The following RABGAP1L variants were observed in gnomAD, a reference collection of about 807,000 sequenced individuals.
The protein encoded by RABGAP1L is RAB GTPase activating protein 1 like.
In RABGAP1L, 63 loss-of-function variants were observed where a neutral mutation model predicts 137.7. The observed-to-expected ratio is 0.46, with a 90% CI of 0.37 to 0.56. The LOEUF is 0.56. Among genes scored for constraint, RABGAP1L ranks in the 20% least tolerant of loss-of-function variants. RABGAP1L has a pLI of 0.00. For missense variants in RABGAP1L, 1,095 were observed against 1,244.0 expected (o/e 0.88, Z 1.80); for synonymous variants, 431 against 433.7 (o/e 0.99, Z 0.08).
At chr1:174,415,764 T>G (rs1293483128) in intron 13 of RABGAP1L, among the ~76,000 whole-genome samples, 1 of 151,956 alleles carries the variant, frequency 6.6e-6, no homozygotes, top group Non-Finnish European at 1.5e-5. Context: ...TTCATAGAGA[T>G]TCTTTAATCG....
chr1:174,635,855 T>C (rs1673972722), intron 13 of RABGAP1L, among the ~76,000 whole-genome samples: 2 of 152,168 alleles, frequency 1.3e-5, no homozygotes, highest in Admixed American at 1.3e-4. Flanking sequence ...TTAGAGCTAA[T>C]CAACCACCCC....
chr1:174,924,385 C>CAA (rs10688718), intron 19 of RABGAP1L, among the ~76,000 whole-genome samples: 1,876 of 69,870 alleles, frequency 0.027, 212 homozygotes, highest in African/African-American at 0.084. Context: ...GACTCTGTCT[C>CAA]AAAAAAAAAA....
intron 12 of RABGAP1L, among the ~76,000 whole-genome samples, chr1:174,373,972 T>A (rs1477448327): frequency 6.6e-6 from 1 of 152,188 alleles, no homozygotes; most frequent in Admixed American, 6.5e-5. Context: ...TGAATTAGGC[T>A]TTCCTGATAC....
chr1:174,581,967 T>A (rs192988647), intron 13 of RABGAP1L, among the ~76,000 whole-genome samples: 1 of 152,202 alleles, frequency 6.6e-6, no homozygotes, highest in African/African-American at 2.4e-5. Flanking sequence ...GGTAGGAATA[T>A]GGAAAGGAAA....
At chr1:174,443,104 C>T (rs1370229582) in intron 13 of RABGAP1L, among the ~76,000 whole-genome samples, 1 of 151,682 alleles carries the variant, frequency 6.6e-6, no homozygotes, top group Non-Finnish European at 1.5e-5. Flanking sequence ...TGCTTTTTTT[C>T]CCCACCTGTT....
At chr1:174,951,187 A>G (rs913024651) in intron 19 of RABGAP1L, among the ~76,000 whole-genome samples, 2 of 152,226 alleles carry the variant, frequency 1.3e-5, no homozygotes, top group African/African-American at 4.8e-5. Context: ...TTATGAAACT[A>G]GATGATAACT....
intron 18 of RABGAP1L, among the ~76,000 whole-genome samples, chr1:174,754,889 T>A (rs980639793): frequency 6.6e-5 from 10 of 152,236 alleles, no homozygotes; most frequent in African/African-American, 2.4e-4. Context: ...GCATTTCTTG[T>A]GATGAGGGGA....
At chr1:174,661,116 C>T (rs984414897) in intron 14 of RABGAP1L, among the ~76,000 whole-genome samples, 4 of 152,132 alleles carry the variant, frequency 2.6e-5, no homozygotes, top group Non-Finnish European at 5.9e-5. Flanking sequence ...AGATGTTTGG[C>T]ATTCAGAACT....
At chr1:174,281,601 C>T (rs1393915921) in intron 10 of RABGAP1L, among the ~76,000 whole-genome samples, 1 of 152,164 alleles carries the variant, frequency 6.6e-6, no homozygotes, top group Non-Finnish European at 1.5e-5. Context: ...AAGTGGGAAA[C>T]ACCAAGTATA....
At chr1:174,546,827 G>A (rs1666047687) in intron 13 of RABGAP1L, among the ~76,000 whole-genome samples, 1 of 151,416 alleles carries the variant, frequency 6.6e-6, no homozygotes, top group African/African-American at 2.4e-5. Context: ...TCAGGAGATC[G>A]AGACCATCCT....
At chr1:174,393,944 G>C in intron 12 of RABGAP1L, 51 bp from the exon 13 acceptor site, 1 of 1,588,438 alleles carries the variant, frequency 6.3e-7, no homozygotes, top group Admixed American at 1.8e-5. Flanking sequence ...GGCAACAGCA[G>C]TTCAGGAGTT....
At chr1:174,722,925 A>G (rs527942401) in intron 17 of RABGAP1L, among the ~76,000 whole-genome samples, 1 of 152,170 alleles carries the variant, frequency 6.6e-6, no homozygotes, top group Admixed American at 6.5e-5. Context: ...GCCTCAGCCA[A>G]TATGTTGTGC....
At chr1:174,268,220 G>A in intron 7 of RABGAP1L, among the ~76,000 whole-genome samples, 1 of 142,738 alleles carries the variant, frequency 7.0e-6, no homozygotes, top group East Asian at 2.0e-4. Flanking sequence ...TTTTTTTTGA[G>A]ACGGAGTCTT....
At chr1:174,801,548 C>T (rs562403419) in intron 18 of RABGAP1L, among the ~76,000 whole-genome samples, 2 of 152,270 alleles carry the variant, frequency 1.3e-5, no homozygotes, top group Admixed American at 6.5e-5. Flanking sequence ...AATTTCCCAT[C>T]CTAAGGAAAG....
intron 12 of RABGAP1L, among the ~76,000 whole-genome samples, chr1:174,373,884 C>G (rs550695318): frequency 1.3e-5 from 2 of 152,108 alleles, no homozygotes; most frequent in African/African-American, 4.8e-5. Context: ...GGACTTGTAG[C>G]TGATAGGCAG....
In RABGAP1L at chr1:174,278,771, T is replaced by C. The variant is rs781475782; in HGVS notation, c.1315T>C (p.Leu439=). The C allele has an allele frequency of 6.4e-7, 1 of 1,555,324 alleles. No individual in the cohort carries two copies. Among genetic ancestry groups the C allele is most frequent in the South Asian group, 1.2e-5 (1 of 80,720 alleles). ...TTTCACAGAGACTTTCTTCATGAGA[T>C]TGAAACAGGTAGGACCTTTTTGTTC... ...KTFTETFFMR[L]KQSEGKGHTN... The change falls in exon 10 of 26, where the codon TTG becomes CTG. Residue 439 remains leucine (L), a synonymous_variant. Transcript: ENST00000681986.
intron 13 of RABGAP1L, among the ~76,000 whole-genome samples, chr1:174,596,825 G>C (rs564500312): frequency 1.3e-5 from 2 of 152,018 alleles, no homozygotes; most frequent in African/African-American, 4.8e-5. Context: ...CAGGTTTTAC[G>C]CATATGTAGA....
intron 5 of RABGAP1L, among the ~76,000 whole-genome samples, chr1:174,249,457 G>C (rs1419648213): frequency 1.3e-5 from 2 of 152,014 alleles, no homozygotes; most frequent in Admixed American, 1.3e-4. Context: ...AATTATCTTA[G>C]GATACATTCA....
chr1:174,747,426 A>AAC (rs1382433715), intron 17 of RABGAP1L, among the ~76,000 whole-genome samples: 1 of 145,526 alleles, frequency 6.9e-6, no homozygotes, highest in East Asian at 2.0e-4. Flanking sequence ...AAAAAAAAAA[A>AAC]CCTGATAGAA....
Sources: gnomAD v4.1 joint callset for allele counts (sites outside exome capture counted in the v4.1 genomes callset) on GRCh38, gnomAD v4.1.1 for gene constraint, MANE v1.5 for transcripts, NCBI Gene and HGNC (gene_info 2026-07-23, HGNC 2026-07-21) for gene names.